COLEC10: variants seen among roughly 807,000 people sequenced by gnomAD.
COLEC10 encodes the protein collectin subfamily member 10.
A neutral mutation model predicts 28.4 loss-of-function variants in COLEC10; 22 were observed. The observed-to-expected ratio is 0.78, with a 90% CI of 0.55 to 1.11. The LOEUF (loss-of-function observed/expected upper bound fraction) is 1.11, where lower values mean the gene tolerates loss of function less well. COLEC10 is among the 50% of genes least tolerant of loss of function. The pLI, the probability that COLEC10 is intolerant of heterozygous loss-of-function variation, is 0.00. For synonymous variants in COLEC10, 125 were observed against 116.1 expected (o/e 1.08, Z -0.49); for missense variants, 361 against 344.1 (o/e 1.05, Z -0.39).
chr8:119,105,485 G>A (rs967183119), intron 5 of COLEC10, among the ~76,000 whole-genome samples: 2 of 152,154 alleles, frequency 1.3e-5, no homozygotes, highest in Non-Finnish European at 2.9e-5. Context: ...TATAGCTAAA[G>A]CATAAACTAT....
intron 2 of COLEC10, among the ~76,000 whole-genome samples, chr8:119,037,410 T>C (rs1294771033): frequency 1.3e-5 from 2 of 151,954 alleles, no homozygotes; most frequent in African/African-American, 4.8e-5. Context: ...CTAAACTTGA[T>C]ATTTTTTTTT....
chr8:118,980,385 G>A, the COLEC10 span, among the ~76,000 whole-genome samples: 1 of 151,776 alleles, frequency 6.6e-6, no homozygotes, highest in Non-Finnish European at 1.5e-5. Context: ...TAGAGATGAG[G>A]TTTCACCATG....
chr8:119,103,683 A>T lies in COLEC10; in HGVS notation c.347-117A>T, dbSNP rs1815883174. 3 of 622,864 alleles carry T rather than the reference A, an allele frequency of 4.8e-6. No individual in the cohort carries two copies. In the East Asian group the frequency reaches 8.3e-5, roughly 17 times the overall value. The allele number at this position is 622,864 out of a possible 1,614,324, so 38.6% of individuals were successfully genotyped here. ...TAAAAGATTTAAAGTATAGCCATTCACAGATATATAGAACCAGACTAGAAA... is the reference window on the plus strand; with the variant it reads ...TAAAAGATTTAAAGTATAGCCATTCTCAGATATATAGAACCAGACTAGAAA... On this transcript the variant is annotated intron_variant, in intron 4 of 5. Transcript: ENST00000332843.
intron 1 of COLEC10, among the ~76,000 whole-genome samples, chr8:119,085,062 T>C (rs1299778625): frequency 1.3e-5 from 2 of 152,188 alleles, no homozygotes; most frequent in African/African-American, 2.4e-5. Context: ...TCCTATGAGG[T>C]TGGGATTATT....
chr8:119,024,336 A>C (rs2130114078), intron 2 of COLEC10, among the ~76,000 whole-genome samples: 1 of 152,262 alleles, frequency 6.6e-6, no homozygotes, highest in Middle Eastern at 3.4e-3. Flanking sequence ...AACGTACTTT[A>C]AAATTATTTT....
intron 1 of COLEC10, 167 bp downstream of exon 1, chr8:119,067,596 A>T: frequency 3.3e-6 from 2 of 611,932 alleles, no homozygotes; most frequent in Non-Finnish European, 5.5e-6. Context: ...TCTGTTACTT[A>T]TTTAAAGCTC....
intron 2 of COLEC10, among the ~76,000 whole-genome samples, chr8:119,030,756 A>G (rs932675562): frequency 2.0e-5 from 3 of 152,244 alleles, no homozygotes; most frequent in East Asian, 3.8e-4. Flanking sequence ...GGTTCCATCC[A>G]TTAATAACTT....
intron 2 of COLEC10, among the ~76,000 whole-genome samples, chr8:119,025,674 GA>G (rs1215765410): frequency 6.6e-6 from 1 of 152,184 alleles, no homozygotes; most frequent in Non-Finnish European, 1.5e-5. Flanking sequence ...CTTGAGAAAG[GA>G]GAAGATATTC....
intron 2 of COLEC10, among the ~76,000 whole-genome samples, chr8:119,017,243 G>A (rs1336026373): frequency 6.6e-6 from 1 of 152,176 alleles, no homozygotes; most frequent in Non-Finnish European, 1.5e-5. Flanking sequence ...TGTGGTTCCA[G>A]AAACTGTGAG....
At chr8:119,100,866 T>C (rs1815811950) in intron 3 of COLEC10, among the ~76,000 whole-genome samples, 2 of 152,094 alleles carry the variant, frequency 1.3e-5, no homozygotes, top group South Asian at 4.1e-4. Flanking sequence ...CACCTTCTGT[T>C]TGGGGAGCAC....
At chr8:118,967,506 T>A in the COLEC10 span, among the ~76,000 whole-genome samples, 1 of 152,064 alleles carries the variant, frequency 6.6e-6, no homozygotes, top group Non-Finnish European at 1.5e-5. Context: ...TACTTACTTG[T>A]ATAATAAGTA....
At chr8:118,966,678 G>GTT in the COLEC10 span, among the ~76,000 whole-genome samples, 2 of 145,406 alleles carry the variant, frequency 1.4e-5, no homozygotes, top group East Asian at 4.0e-4. Flanking sequence ...AATGTTCCAT[G>GTT]TTTTTTTTTT....
At chr8:119,070,797 C>G (rs556100270) in intron 1 of COLEC10, among the ~76,000 whole-genome samples, 2 of 152,062 alleles carry the variant, frequency 1.3e-5, no homozygotes, top group African/African-American at 4.8e-5. Flanking sequence ...TTAAACAAAA[C>G]ATGTTAAAAA....
chr8:119,091,204 G>C lies in COLEC10; in HGVS notation c.276G>C (p.Gly92=). 6.2e-7 allele frequency: 1 copy of C among 1,612,174 alleles called. No homozygotes were observed. Among genetic ancestry groups the C allele is most frequent in the Non-Finnish European group, 8.5e-7 (1 of 1,179,032 alleles). ...MGDQGNIGKT[G]PIGKKGDKGE... Reference sequence around the variant, plus strand: ...ATCAGGGCAATATTGGCAAGACTGGGCCCATTGGGAAGAAGGGTAAGTTGC... The same window carrying C: ...ATCAGGGCAATATTGGCAAGACTGGCCCCATTGGGAAGAAGGGTAAGTTGC... Residue 92 remains glycine (G), a synonymous_variant, in exon 3 of 6, where the codon GGG becomes GGC. Transcript: ENST00000332843.
chr8:119,101,863 A>G lies in COLEC10; in HGVS notation c.293-485A>G, dbSNP rs1278178834. On this transcript the variant is annotated intron_variant, in intron 3 of 5. Coordinates refer to ENST00000332843, the MANE Select transcript of COLEC10 (RefSeq NM_006438.5). ...GCCACTTGGAATAACTTGGGGCATA[A>G]TAAGTACAAAGACACTACAGTGTGC... is the stretch of plus-strand genomic sequence containing the variant. Among the ~76,000 whole-genome samples the G allele has an allele frequency of 2.6e-5, 4 of 152,280 alleles. No individual in the cohort carries two copies. The South Asian group carries it at 8.3e-4, about 32-fold the overall frequency.
chr8:118,965,412 A>G, the COLEC10 span, among the ~76,000 whole-genome samples: 2 of 152,144 alleles, frequency 1.3e-5, no homozygotes, highest in Non-Finnish European at 1.5e-5. Flanking sequence ...AAAGGCTCAA[A>G]GGTGGCAACT....
chr8:119,058,723 C>T (rs1217368765), intron 2 of COLEC10, among the ~76,000 whole-genome samples: 2 of 151,954 alleles, frequency 1.3e-5, no homozygotes, highest in Non-Finnish European at 2.9e-5. Flanking sequence ...CTGTTATGAA[C>T]ATTTATGAAG....
At chr8:118,999,592 A>AT (rs893072897) in intron 1 of COLEC10, among the ~76,000 whole-genome samples, 3 of 97,836 alleles carry the variant, frequency 3.1e-5, no homozygotes, top group South Asian at 3.7e-4. Flanking sequence ...CTCCATCTCA[A>AT]TAAAAAAAAA....
intron 1 of COLEC10, chr8:119,068,709 T>C (rs1815023114): frequency 6.6e-6 from 1 of 152,098 alleles, no homozygotes; most frequent in Non-Finnish European, 1.5e-5. Flanking sequence ...ACAGTGGAAA[T>C]CTCATTAACT....
Sources: gnomAD v4.1 joint callset for allele counts (sites outside exome capture counted in the v4.1 genomes callset) on GRCh38, gnomAD v4.1.1 for gene constraint, MANE v1.5 for transcripts, NCBI Gene and HGNC (gene_info 2026-07-23, HGNC 2026-07-21) for gene names.